The following AGT variants were observed in gnomAD, a reference collection of about 807,000 sequenced individuals.
The protein encoded by AGT is alpha-1 antiproteinase, antitrypsin.
AGT carries 26 observed loss-of-function variants against 28.1 expected under a neutral mutation model. The ratio of observed to expected loss-of-function variants is 0.92; its 90% confidence interval spans 0.68 to 1.28. The LOEUF (loss-of-function observed/expected upper bound fraction) is 1.28. AGT is among the 50% of genes most tolerant of loss of function. The pLI is 0.00. For missense variants in AGT, 596 were observed against 592.3 expected, an observed-to-expected ratio of 1.01 and a Z score of -0.06; for synonymous variants, 259 against 259.6, an observed-to-expected ratio of 1.00 and a Z score of 0.02.
chr1:230,736,023 T>G (rs1003238827), intron 1 of AGT, among the ~76,000 whole-genome samples: 1 of 151,896 alleles, frequency 6.6e-6, no homozygotes, highest in Admixed American at 6.6e-5. Context: ...ACAAAGGTGA[T>G]GTCTTAAATC....
chr1:230,710,833 G>T lies in AGT; in HGVS notation c.-10C>A. ...CACCGGCAGGAGCCATCTCAGACTG[G>T]GGTGCTCGCTTCCGCATACCCTGAA... On this transcript the variant is annotated 5_prime_UTR_variant, in exon 2 of 5. Coordinates refer to ENST00000366667, the MANE Select transcript of AGT (RefSeq NM_001384479.1). 6.2e-7 allele frequency: 1 copy of T among 1,613,666 alleles called. No homozygotes were observed. Among genetic ancestry groups the T allele is most frequent in the Non-Finnish European group, 8.5e-7 (1 of 1,180,042 alleles).
chr1:230,745,336 C>A (rs1409468814), intron 1 of AGT, among the ~76,000 whole-genome samples: 1 of 152,164 alleles, frequency 6.6e-6, no homozygotes, highest in African/African-American at 2.4e-5. Context: ...ACCCGCCATG[C>A]CTCTAGCAGG....
intron 3 of AGT, among the ~76,000 whole-genome samples, chr1:230,704,723 G>A (rs1663333868): frequency 6.6e-6 from 1 of 152,214 alleles, no homozygotes; most frequent in Admixed American, 6.5e-5. Flanking sequence ...TGACACCCAT[G>A]AAAAGGAGAG....
chr1:230,737,872 T>C (rs938863097), intron 1 of AGT, among the ~76,000 whole-genome samples: 1 of 152,152 alleles, frequency 6.6e-6, no homozygotes, highest in Non-Finnish European at 1.5e-5. Context: ...CCTTTAGCCA[T>C]CACCCCCACC....
At position 230,710,180 on chromosome 1, in the gene AGT, A is replaced by T. The variant is rs1663533736; in HGVS notation, c.644T>A (p.Val215Glu). The T allele has an allele frequency of 2.5e-6, 4 of 1,613,962 alleles. No homozygotes were observed. Among genetic ancestry groups the T allele is most frequent in the Non-Finnish European group, 3.4e-6 (4 of 1,180,034 alleles). The change falls in exon 2 of 5, where the codon GTG becomes GAG. Residue 215 changes from valine to glutamate, a missense_variant. Val to Glu is a moderately radical substitution (Grantham distance 121). Coordinates refer to ENST00000366667, the MANE Select transcript of AGT (RefSeq NM_001384479.1). ...APGLHLKQPF[V>E]QGLALYTPVV... Reference sequence around the variant, plus strand: ...AGGGGTATAGAGAGCCAGGCCCTGCACAAACGGCTGCTTCAGGTGCAGGCC... The same window carrying T: ...AGGGGTATAGAGAGCCAGGCCCTGCTCAAACGGCTGCTTCAGGTGCAGGCC...
chr1:230,715,104 T>A (rs1184674393), upstream of AGT, among the ~76,000 whole-genome samples: 1 of 152,138 alleles, frequency 6.6e-6, no homozygotes, highest in Non-Finnish European at 1.5e-5. Context: ...GACATGAAAT[T>A]ACCCAGGAAT....
intron 3 of AGT, among the ~76,000 whole-genome samples, chr1:230,704,797 C>T (rs752539780): frequency 2.6e-5 from 4 of 152,178 alleles, no homozygotes; most frequent in East Asian, 1.9e-4. Flanking sequence ...GATTGATCTT[C>T]GTATAGAGCC....
intron 1 of AGT, among the ~76,000 whole-genome samples, chr1:230,730,100 T>C (rs536871222): frequency 6.6e-6 from 1 of 152,208 alleles, no homozygotes; most frequent in Non-Finnish European, 1.5e-5. Context: ...TTTGTATTTT[T>C]AGTAGAGACA....
intron 1 of AGT, among the ~76,000 whole-genome samples, chr1:230,719,975 T>A (rs1663812812): frequency 6.6e-6 from 1 of 152,080 alleles, no homozygotes; most frequent in Non-Finnish European, 1.5e-5. Flanking sequence ...CTCAAACCTG[T>A]CTCCCTGAGA....
At chr1:230,728,979 G>A (rs774107034) in intron 1 of AGT, among the ~76,000 whole-genome samples, 2 of 152,186 alleles carry the variant, frequency 1.3e-5, no homozygotes, top group South Asian at 2.1e-4. Context: ...TATATCACTC[G>A]TGAAAAGCCT....
chr1:230,735,562 T>G (rs1664140834), intron 1 of AGT, among the ~76,000 whole-genome samples: 1 of 152,188 alleles, frequency 6.6e-6, no homozygotes, highest in South Asian at 2.1e-4. Context: ...GCCCCTGGTC[T>G]TAGCAGCTGG....
chr1:230,735,035 T>C (rs1392210199), intron 1 of AGT, among the ~76,000 whole-genome samples: 1 of 152,086 alleles, frequency 6.6e-6, no homozygotes, highest in African/African-American at 2.4e-5. Context: ...TGTTTATCCC[T>C]GGAGGAGAGG....
chr1:230,710,622 A>T lies in AGT; in HGVS notation c.202T>A (p.Ser68Thr), dbSNP rs984581580. The change falls in exon 2 of 5, where the codon TCC becomes ACC. Residue 68 changes from serine to threonine, a missense_variant. Physicochemically the swap from Ser to Thr is moderately conservative, Grantham distance 58. Coordinates refer to ENST00000366667, the MANE Select transcript of AGT (RefSeq NM_001384479.1). ...FIPAPIQAKT[S>T]PVDEKALQDQ... is the part of the protein sequence containing the mutation. ...TGTAGGGCCTTTTCATCCACAGGGG[A>T]TGTCTTGGCCTGAATTGGAGCAGGT... 1 of 1,614,168 alleles carries T rather than the reference A, an allele frequency of 6.2e-7. No homozygotes were observed. The highest frequency in any genetic ancestry group is 1.3e-5 in the African/African-American group (1 of 75,040).
intron 1 of AGT, among the ~76,000 whole-genome samples, chr1:230,743,485 C>A (rs1307445076): frequency 1.3e-5 from 2 of 152,230 alleles, no homozygotes; most frequent in African/African-American, 4.8e-5. Context: ...ACTCTGGTTA[C>A]ATCTGGAGTT....
chr1:230,713,862 C>A (rs1663664396), intron 1 of AGT, among the ~76,000 whole-genome samples: 1 of 152,216 alleles, frequency 6.6e-6, no homozygotes, highest in Non-Finnish European at 1.5e-5. Flanking sequence ...AGCAGGAAGA[C>A]CTGACCATCT....
intron 2 of AGT, among the ~76,000 whole-genome samples, chr1:230,709,231 T>TACAAGTAG (rs945646503): frequency 1.3e-5 from 2 of 152,230 alleles, no homozygotes; most frequent in African/African-American, 2.4e-5. Flanking sequence ...CTTAAAGTCT[T>TACAAGTAG]ACAAGTAGCA....
At chr1:230,726,060 G>T (rs1663935620) in intron 1 of AGT, among the ~76,000 whole-genome samples, 1 of 152,194 alleles carries the variant, frequency 6.6e-6, no homozygotes, top group African/African-American at 2.4e-5. Context: ...AAGGCAGTGT[G>T]TGCTATTTAG....
chr1:230,734,610 ATGTG>A (rs59787972), intron 1 of AGT, among the ~76,000 whole-genome samples: 10 of 150,362 alleles, frequency 6.7e-5, no homozygotes, highest in African/African-American at 2.2e-4. Context: ...TGGTGTGTGT[ATGTG>A]TGTGTGTGTG....
At chr1:230,703,458 G>T in intron 4 of AGT, 129 bp from the exon 5 acceptor site, 1 of 965,958 alleles carries the variant, frequency 1.0e-6, no homozygotes, top group Non-Finnish European at 1.6e-6. Context: ...ACATTTTCCA[G>T]CCTGCCAGGA....
Sources: gnomAD v4.1 joint callset for allele counts (sites outside exome capture counted in the v4.1 genomes callset) on GRCh38, gnomAD v4.1.1 for gene constraint, MANE v1.5 for transcripts, NCBI Gene and HGNC (gene_info 2026-07-23, HGNC 2026-07-21) for gene names.